Variants in USH2A observed in about 807,000 individuals in gnomAD.
USH2A encodes usherin.
In USH2A, 443 loss-of-function variants were observed where a neutral mutation model predicts 538.9. The observed-to-expected ratio is 0.82, with a 90% CI of 0.76 to 0.89. The LOEUF (loss-of-function observed/expected upper bound fraction) is 0.89, where lower values mean the gene tolerates loss of function less well. Among genes scored for constraint, USH2A ranks in the 40% least tolerant of loss-of-function variants. USH2A has a pLI of 0.00. For missense variants in USH2A, 6,633 were observed against 6,324.8 expected, an observed-to-expected ratio of 1.05 and a Z score of -1.65; for synonymous variants, 2,413 against 2,273.5, an observed-to-expected ratio of 1.06 and a Z score of -1.75.
chr1:215,969,998 G>T (rs1667452125), intron 36 of USH2A, among the ~76,000 whole-genome samples: 1 of 151,988 alleles, frequency 6.6e-6, no homozygotes, highest in African/African-American at 2.4e-5. Flanking sequence ...CTATTAATTG[G>T]GTTTGAAAAA....
chr1:215,933,150 T>G (rs1666405705), intron 38 of USH2A, among the ~76,000 whole-genome samples: 1 of 151,984 alleles, frequency 6.6e-6, no homozygotes, highest in African/African-American at 2.4e-5. Flanking sequence ...GGTATTACTA[T>G]ATAACTTAAA....
intron 64 of USH2A, among the ~76,000 whole-genome samples, chr1:215,659,546 T>A (rs1256976890): frequency 1.3e-5 from 2 of 152,214 alleles, no homozygotes; most frequent in Non-Finnish European, 2.9e-5. Context: ...TATGTATTTA[T>A]ATATTAAATT....
chr1:216,085,530 G>T (rs1163735323), intron 24 of USH2A, among the ~76,000 whole-genome samples: 1 of 152,088 alleles, frequency 6.6e-6, no homozygotes, highest in African/African-American at 2.4e-5. Context: ...TCCTATGGGG[G>T]CAAAGCTTAG....
chr1:216,028,350 A>G (rs1431326058), intron 32 of USH2A, among the ~76,000 whole-genome samples: 3 of 152,010 alleles, frequency 2.0e-5, no homozygotes, highest in African/African-American at 7.2e-5. Flanking sequence ...TCATTCTACT[A>G]CACACCAGCC....
intron 32 of USH2A, among the ~76,000 whole-genome samples, chr1:216,040,521 T>A (rs2030228777): frequency 6.6e-6 from 1 of 152,010 alleles, no homozygotes; most frequent in Non-Finnish European, 1.5e-5. Flanking sequence ...TGGAAACATC[T>A]TATAAACTTC....
rs796893855 is a variant in USH2A at position 216,096,630 on chromosome 1, T to C, written c.4758+453A>G. On this transcript the variant is annotated intron_variant, in intron 22 of 71. Transcript: ENST00000307340. ...TACTGTATCCTTTGCAGGGGCATGG[T>C]CATATTTAACTTTGAAACTATGGTA... Among the ~76,000 whole-genome samples, 41 of 152,318 alleles carry C rather than the reference T, an allele frequency of 2.7e-4. 1 individual carries two copies. The highest frequency in any genetic ancestry group is 9.9e-4 in the African/African-American group (41 of 41,568).
intron 61 of USH2A, among the ~76,000 whole-genome samples, chr1:215,702,067 T>A (rs1481763646): frequency 2.0e-5 from 3 of 152,226 alleles, no homozygotes; most frequent in African/African-American, 7.2e-5. Flanking sequence ...TCATTTCTCC[T>A]TCACTTTTGA....
intron 58 of USH2A, among the ~76,000 whole-genome samples, chr1:215,746,423 CATA>C (rs1660473532): frequency 1.4e-5 from 2 of 146,044 alleles, no homozygotes; most frequent in South Asian, 4.3e-4. Context: ...CATATAGATG[CATA>C]ATAATAAATA....
chr1:215,790,238 T>C lies in USH2A; in HGVS notation c.10003A>G (p.Ile3335Val), dbSNP rs759393994. Reference sequence around the variant, plus strand: ...TCTCCACTGGAAGCTGAGCAGCATATGGTATCTGACATATTCACATAATCC... The same window carrying C: ...TCTCCACTGGAAGCTGAGCAGCATACGGTATCTGACATATTCACATAATCC... Reference protein sequence around the residue: ...GQDYVNMSDTICCSASSGESK... With the variant: ...GQDYVNMSDTVCCSASSGESK... The change falls in exon 51 of 72, where the codon ATA becomes GTA. Residue 3335 changes from isoleucine to valine, a missense_variant. Coordinates refer to ENST00000307340, the MANE Select transcript of USH2A (RefSeq NM_206933.4). 2 of 1,614,076 alleles carry C rather than the reference T, an allele frequency of 1.2e-6. No homozygotes were observed. The highest frequency in any genetic ancestry group is 1.1e-5 in the South Asian group (1 of 91,076).
intron 69 of USH2A, 136 bp downstream of exon 69, chr1:215,639,019 T>G: frequency 1.1e-6 from 1 of 869,856 alleles, no homozygotes; most frequent in Non-Finnish European, 1.9e-6. Flanking sequence ...AAAAAAACTC[T>G]GACAACACTT....
intron 40 of USH2A, among the ~76,000 whole-genome samples, chr1:215,891,238 T>A (rs536633025): frequency 2.0e-5 from 3 of 152,314 alleles, no homozygotes; most frequent in Admixed American, 6.5e-5. Flanking sequence ...TTTCATGATT[T>A]GTTTCCCCCT....
chr1:215,790,750 C>T (rs140662709), intron 50 of USH2A, among the ~76,000 whole-genome samples: 34 of 152,234 alleles, frequency 2.2e-4, no homozygotes, highest in Middle Eastern at 3.4e-3. Context: ...GGAAGCCCTG[C>T]GGGAGAAGCA....
At position 216,417,498 on chromosome 1, in the gene USH2A, G is replaced by A. The variant is rs57453973; in HGVS notation, c.651+1016C>T. On this transcript the variant is annotated intron_variant, in intron 3 of 71. Transcript: ENST00000307340. The stretch of plus-strand genomic sequence containing the variant: ...CAGCTTTGGTGGTGGGGCCTGATGG[G>A]AGGTTATTGGAACATGTAGACGTTT... Among the ~76,000 whole-genome samples, 697 of 152,116 alleles carry A rather than the reference G, an allele frequency of 4.6e-3. 6 individuals are homozygous for A. Among genetic ancestry groups the A allele is most frequent in the African/African-American group, 0.016 (669 of 41,512 alleles).
chr1:216,196,502 A>G (rs374416177), intron 19 of USH2A, 51 bp downstream of exon 19: 5 of 1,607,102 alleles, frequency 3.1e-6, no homozygotes, highest in South Asian at 1.1e-5. Context: ...AAAATGTCCA[A>G]ATGAAGCCCT....
At chr1:216,305,560 T>A (rs1354001210) in intron 9 of USH2A, among the ~76,000 whole-genome samples, 1 of 151,994 alleles carries the variant, frequency 6.6e-6, no homozygotes, top group Non-Finnish European at 1.5e-5. Context: ...ATGCTATTTG[T>A]TGCCTGAATG....
intron 9 of USH2A, among the ~76,000 whole-genome samples, chr1:216,314,705 G>C (rs1423275817): frequency 6.6e-6 from 1 of 152,072 alleles, no homozygotes; most frequent in Non-Finnish European, 1.5e-5. Context: ...GTTTCAAGCT[G>C]GCTGTGCTAT....
chr1:215,873,882 T>C (rs990887388), intron 43 of USH2A, among the ~76,000 whole-genome samples: 13 of 152,064 alleles, frequency 8.5e-5, no homozygotes, highest in African/African-American at 3.1e-4. Context: ...TTCATAAACT[T>C]AATGAAAGCT....
intron 32 of USH2A, among the ~76,000 whole-genome samples, chr1:216,014,517 A>T (rs940673673): frequency 3.3e-5 from 5 of 152,230 alleles, no homozygotes; most frequent in African/African-American, 1.2e-4. Context: ...GGATTCAAAC[A>T]ATTGCAGGTA....
intron 38 of USH2A, among the ~76,000 whole-genome samples, chr1:215,920,485 T>C (rs1666070832): frequency 6.6e-6 from 1 of 152,080 alleles, no homozygotes; most frequent in Admixed American, 6.6e-5. Context: ...TCATGCTTTA[T>C]GTCCTTTAAA....
Sources: allele counts gnomAD v4.1 joint callset (sites outside exome capture counted in the v4.1 genomes callset), GRCh38; gene constraint gnomAD v4.1.1; transcripts MANE v1.5; gene names NCBI Gene and HGNC (gene_info 2026-07-23, HGNC 2026-07-21).